Variants in GALNTL5 observed in about 807,000 individuals in gnomAD.
GALNTL5 encodes inactive polypeptide N-acetylgalactosaminyltransferase-like protein 5.
Under a neutral mutation model 51.0 loss-of-function variants are expected in GALNTL5, and 44 were observed. The observed-to-expected ratio is 0.86, with a 90% CI of 0.68 to 1.11. The LOEUF is 1.11. Ranked by LOEUF, GALNTL5 falls within the 50% of genes least tolerant of loss-of-function variation. GALNTL5 has a pLI of 0.00. For missense variants in GALNTL5, 528 were observed against 531.8 expected, an observed-to-expected ratio of 0.99 and a Z score of 0.07; for synonymous variants, 192 against 182.8, an observed-to-expected ratio of 1.05 and a Z score of -0.41.
At chr7:151,958,635 G>C (rs62478445) in intron 1 of GALNTL5, among the ~76,000 whole-genome samples, 33,792 of 151,876 alleles carry the variant, frequency 0.22, 4,279 homozygotes, top group African/African-American at 0.32. Context: ...GCCCACTGGT[G>C]CTCCTAGGCT....
intron 2 of GALNTL5, chr7:151,970,674 A>G (rs920068446): frequency 4.6e-5 from 11 of 238,642 alleles, no homozygotes; most frequent in Non-Finnish European, 8.2e-5. Context: ...CCAGGAGCAG[A>G]TGCTGGCTCA....
intron 1 of GALNTL5, among the ~76,000 whole-genome samples, chr7:151,961,573 A>G (rs1034703012): frequency 6.6e-6 from 1 of 152,208 alleles, no homozygotes; most frequent in African/African-American, 2.4e-5. Context: ...AATGGGAGAC[A>G]ATAGTAAATA....
At chr7:151,970,516 A>T (rs184617444) in intron 2 of GALNTL5, 1 of 167,732 alleles carries the variant, frequency 6.0e-6, no homozygotes, top group East Asian at 1.9e-4. Context: ...GCCTGCCTAC[A>T]GTAATGAGCT....
Position 151,983,031 on chromosome 7 carries a change from T to G in GALNTL5, c.414T>G (p.Ile138Met), listed in dbSNP as rs753085976. The G allele has an allele frequency of 6.2e-7, 1 of 1,614,208 alleles. No homozygotes were observed. The highest frequency in any genetic ancestry group is 1.1e-5 in the South Asian group (1 of 91,080). Residue 138 changes from isoleucine (I) to methionine (M), a missense_variant, in exon 4 of 9, where the codon ATT becomes ATG. By Grantham distance (10) the Ile-to-Met change is conservative. Coordinates refer to ENST00000392800, the MANE Select transcript of GALNTL5 (RefSeq NM_145292.4). ...CAGCCCGCCTCCCGACTGCCAGCAT[T>G]GTCATTTGCTTCTATAATGAAGAAT... Reference protein sequence around the residue: ...HYPARLPTASIVICFYNEECN... With the variant: ...HYPARLPTASMVICFYNEECN...
In GALNTL5 at chr7:151,967,504, G is replaced by C; in HGVS notation, c.247+11G>C. The C allele has an allele frequency of 6.2e-7, 1 of 1,605,796 alleles. No homozygotes were observed. The highest frequency in any genetic ancestry group is 1.1e-5 in the South Asian group (1 of 90,078). ...CAAAGTCTATGTTAGGTAAGTATTT[G>C]GATTTTTTTCCGTTAGCCATTTGAA... is the stretch of plus-strand genomic sequence containing the variant. On this transcript the variant is annotated intron_variant, in intron 2 of 8. Coordinates refer to ENST00000392800, the MANE Select transcript of GALNTL5 (RefSeq NM_145292.4).
chr7:151,983,581 C>T (rs1211466239), intron 4 of GALNTL5, among the ~76,000 whole-genome samples: 2 of 152,094 alleles, frequency 1.3e-5, no homozygotes, highest in Non-Finnish European at 2.9e-5. Flanking sequence ...ACTAGGGGCT[C>T]TTGGTATATG....
At chr7:151,984,537 T>C (rs956149478) in intron 4 of GALNTL5, among the ~76,000 whole-genome samples, 6 of 152,138 alleles carry the variant, frequency 3.9e-5, no homozygotes, top group African/African-American at 1.4e-4. Context: ...CTGGCAGTTG[T>C]GTGGTGGAAA....
chr7:151,989,924 T>C (rs2081406370), intron 5 of GALNTL5, among the ~76,000 whole-genome samples: 1 of 152,254 alleles, frequency 6.6e-6, no homozygotes, highest in Non-Finnish European at 1.5e-5. Context: ...CTTTTTGTTA[T>C]TGATTCAAAC....
intron 3 of GALNTL5, chr7:151,982,724 C>A: frequency 1.8e-6 from 1 of 542,570 alleles, no homozygotes; most frequent in Non-Finnish European, 3.2e-6. Context: ...TAAAATAGAA[C>A]TGAGATTATC....
chr7:152,003,934 A>G (rs1205286022), intron 6 of GALNTL5, among the ~76,000 whole-genome samples: 1 of 152,186 alleles, frequency 6.6e-6, no homozygotes, highest in Non-Finnish European at 1.5e-5. Flanking sequence ...GAATTCTAAT[A>G]CACTGCTCGT....
intron 5 of GALNTL5, chr7:151,994,904 C>T (rs1423592236): frequency 5.3e-5 from 8 of 152,286 alleles, no homozygotes; most frequent in African/African-American, 1.9e-4. Context: ...CTACAGGTGC[C>T]TACCACCACG....
At chr7:151,983,712 G>A (rs2081326034) in intron 4 of GALNTL5, among the ~76,000 whole-genome samples, 1 of 152,184 alleles carries the variant, frequency 6.6e-6, no homozygotes, top group African/African-American at 2.4e-5. Flanking sequence ...TCAGGAAGAA[G>A]TGACATGTCA....
At chr7:152,011,918 A>C (rs1482308421) in intron 7 of GALNTL5, among the ~76,000 whole-genome samples, 8 of 152,230 alleles carry the variant, frequency 5.3e-5, no homozygotes, top group Non-Finnish European at 1.5e-5. Context: ...TGAGTGGTTG[A>C]GAACAATAAG....
chr7:151,967,879 A>G (rs1368000919), intron 2 of GALNTL5, among the ~76,000 whole-genome samples: 1 of 152,182 alleles, frequency 6.6e-6, no homozygotes, highest in Non-Finnish European at 1.5e-5. Context: ...ATCCCTAAGC[A>G]AAATATTGTG....
chr7:151,987,369 A>G (rs889329771), intron 5 of GALNTL5, 88 bp downstream of exon 5: 4 of 1,162,346 alleles, frequency 3.4e-6, no homozygotes, highest in Non-Finnish European at 4.7e-6. Flanking sequence ...GAGACCTTCT[A>G]TGTCTGTGTC....
intron 5 of GALNTL5, among the ~76,000 whole-genome samples, chr7:151,999,441 T>C (rs537523963): frequency 2.0e-5 from 3 of 152,344 alleles, no homozygotes; most frequent in Admixed American, 2.0e-4. Context: ...CAAGCTCTTT[T>C]CTTCAGTGGC....
At chr7:151,993,382 G>T (rs2081452262) in intron 5 of GALNTL5, among the ~76,000 whole-genome samples, 1 of 152,138 alleles carries the variant, frequency 6.6e-6, no homozygotes, top group African/African-American at 2.4e-5. Flanking sequence ...GACTGTGTGT[G>T]GGAACTTGCA....
At chr7:152,010,014 A>C (rs1283538324) in intron 7 of GALNTL5, among the ~76,000 whole-genome samples, 1 of 152,246 alleles carries the variant, frequency 6.6e-6, no homozygotes, top group Non-Finnish European at 1.5e-5. Flanking sequence ...AAGAAGACAC[A>C]GTCTTCATTA....
At chr7:151,971,404 C>A (rs1399073560) in intron 3 of GALNTL5, among the ~76,000 whole-genome samples, 1 of 152,152 alleles carries the variant, frequency 6.6e-6, no homozygotes, top group Non-Finnish European at 1.5e-5. Flanking sequence ...CTCTGGACAG[C>A]TACTTTTTAT....
Sources: allele counts gnomAD v4.1 joint callset (sites outside exome capture counted in the v4.1 genomes callset), GRCh38; gene constraint gnomAD v4.1.1; transcripts MANE v1.5; gene names NCBI Gene and HGNC (gene_info 2026-07-23, HGNC 2026-07-21).